The following DYM variants were observed in gnomAD, a reference collection of about 807,000 sequenced individuals.
The protein encoded by DYM is dyggve-Melchior-Clausen syndrome protein.
In DYM, 78 loss-of-function variants were observed where a neutral mutation model predicts 93.1. That is an observed-to-expected ratio of 0.84 (90% confidence interval 0.70 to 1.01). DYM has a LOEUF of 1.01. Among genes scored for constraint, DYM ranks in the 50% least tolerant of loss-of-function variants. The pLI, the probability that DYM is intolerant of heterozygous loss-of-function variation, is 0.00. For synonymous variants in DYM, 321 were observed against 319.7 expected (o/e 1.00, Z -0.04); for missense variants, 789 against 845.0 (o/e 0.93, Z 0.82).
intron 8 of DYM, among the ~76,000 whole-genome samples, chr18:49,313,721 G>C (rs1004680288): frequency 6.6e-6 from 1 of 152,000 alleles, no homozygotes; most frequent in Non-Finnish European, 1.5e-5. Context: ...GATTCACCTA[G>C]AATTCTTTCT....
intron 17 of DYM, among the ~76,000 whole-genome samples, chr18:49,080,154 G>GA (rs2077724605): frequency 2.6e-5 from 1 of 38,840 alleles, no homozygotes; most frequent in Non-Finnish European, 1.0e-4. Context: ...GCTGGCCGGG[G>GA]GGGGGCTGAC....
At chr18:49,099,782 C>T (rs1439799154) in intron 16 of DYM, among the ~76,000 whole-genome samples, 1 of 152,100 alleles carries the variant, frequency 6.6e-6, no homozygotes, top group East Asian at 1.9e-4. Context: ...ATCCATAGTG[C>T]CTAAAAGTCT....
chr18:49,395,459 A>C (rs566637703), intron 2 of DYM, among the ~76,000 whole-genome samples: 16 of 152,088 alleles, frequency 1.1e-4, no homozygotes, highest in Admixed American at 2.6e-4. Context: ...GAGAAACCCT[A>C]TCTCTACTAA....
chr18:49,079,423 T>A (rs1288311673), intron 17 of DYM, among the ~76,000 whole-genome samples: 10 of 152,108 alleles, frequency 6.6e-5, no homozygotes, highest in African/African-American at 2.4e-4. Flanking sequence ...TTATTTTTTT[T>A]ATTGATCATT....
chr18:49,285,174 T>C (rs971539797), intron 9 of DYM, among the ~76,000 whole-genome samples: 9 of 152,334 alleles, frequency 5.9e-5, no homozygotes, highest in African/African-American at 2.2e-4. Context: ...TTATAAGTTA[T>C]TGAGTCTCAG....
intron 8 of DYM, among the ~76,000 whole-genome samples, chr18:49,306,341 G>GT (rs1197550109): frequency 2.0e-5 from 3 of 152,120 alleles, no homozygotes; most frequent in South Asian, 2.1e-4. Context: ...TAGGTTTTAT[G>GT]TTTTTTGTAA....
intron 17 of DYM, among the ~76,000 whole-genome samples, chr18:49,056,345 A>G (rs1428368861): frequency 6.6e-6 from 1 of 152,234 alleles, no homozygotes; most frequent in Non-Finnish European, 1.5e-5. Context: ...AGAGAAAGCT[A>G]ATAAGCAAGG....
At chr18:49,357,386 CCTAAA>C (rs2065656244) in intron 6 of DYM, among the ~76,000 whole-genome samples, 1 of 152,096 alleles carries the variant, frequency 6.6e-6, no homozygotes, top group Non-Finnish European at 1.5e-5. Flanking sequence ...GCCCATCGTC[CCTAAA>C]CTAAACGGCC....
At chr18:49,433,551 A>G (rs1251833074) in intron 1 of DYM, among the ~76,000 whole-genome samples, 1 of 152,202 alleles carries the variant, frequency 6.6e-6, no homozygotes, top group Non-Finnish European at 1.5e-5. Flanking sequence ...TAAAGTTAGT[A>G]AATCAAAAAA....
chr18:49,360,047 G>C (rs1210030491), intron 6 of DYM, among the ~76,000 whole-genome samples: 1 of 152,146 alleles, frequency 6.6e-6, no homozygotes, highest in Middle Eastern at 3.2e-3. Context: ...CATAATAGGA[G>C]ACAACTGGCT....
intron 17 of DYM, 57 bp from the exon 18 acceptor site, chr18:49,044,261 G>A: frequency 6.2e-7 from 1 of 1,604,176 alleles, no homozygotes; most frequent in Non-Finnish European, 8.5e-7. Context: ...AAGCAAAAGT[G>A]GTGAGAGTTT....
chr18:49,131,750 G>C (rs565975996), intron 15 of DYM, among the ~76,000 whole-genome samples: 1 of 152,282 alleles, frequency 6.6e-6, no homozygotes, highest in African/African-American at 2.4e-5. Flanking sequence ...CAGCTATGCA[G>C]TATTCTTAAC....
chr18:49,068,603 A>G (rs1324938905), intron 17 of DYM, among the ~76,000 whole-genome samples: 1 of 152,222 alleles, frequency 6.6e-6, no homozygotes, highest in African/African-American at 2.4e-5. Context: ...ACAAGCCAGA[A>G]CAACTCCAAA....
intron 15 of DYM, among the ~76,000 whole-genome samples, chr18:49,140,735 C>T (rs540269688): frequency 1.3e-5 from 2 of 152,088 alleles, no homozygotes; most frequent in Non-Finnish European, 2.9e-5. Context: ...TGGACATATC[C>T]TAAGATGAGA....
At chr18:49,203,736 G>A (rs1419624684) in intron 14 of DYM, among the ~76,000 whole-genome samples, 1 of 140,606 alleles carries the variant, frequency 7.1e-6, no homozygotes, top group African/African-American at 2.7e-5. Flanking sequence ...AGGGTCCTCT[G>A]CCTAGGAAAA....
intron 1 of DYM, among the ~76,000 whole-genome samples, chr18:49,441,309 TTAA>T (rs1262422387): frequency 3.3e-5 from 1 of 30,716 alleles, no homozygotes; most frequent in African/African-American, 1.9e-4. Flanking sequence ...TTATATATAA[TTAA>T]TATATAATTA....
At chr18:49,403,841 G>C in intron 2 of DYM, among the ~76,000 whole-genome samples, 1 of 151,900 alleles carries the variant, frequency 6.6e-6, no homozygotes, top group East Asian at 1.9e-4. Context: ...TGCAGTATTT[G>C]GTTTTCTGTT....
chr18:49,308,294 A>G (rs956442684), intron 8 of DYM, among the ~76,000 whole-genome samples: 93 of 149,936 alleles, frequency 6.2e-4, no homozygotes, highest in South Asian at 5.2e-3. Flanking sequence ...GTGTGTGTAT[A>G]TATATATATA....
At chr18:49,450,450 C>G (rs1247706908) in intron 1 of DYM, among the ~76,000 whole-genome samples, 1 of 152,146 alleles carries the variant, frequency 6.6e-6, no homozygotes, top group Admixed American at 6.5e-5. Flanking sequence ...TTTGTGACAT[C>G]ATTTTGGCAA....
Sources: gnomAD v4.1 joint callset for allele counts (sites outside exome capture counted in the v4.1 genomes callset) on GRCh38, gnomAD v4.1.1 for gene constraint, MANE v1.5 for transcripts, NCBI Gene and HGNC (gene_info 2026-07-23, HGNC 2026-07-21) for gene names.